The following UBE2E2 variants were observed in gnomAD, a reference collection of about 807,000 sequenced individuals.
UBE2E2 encodes the protein ubiquitin-conjugating enzyme E2 E2.
UBE2E2 carries 6 observed loss-of-function variants against 24.7 expected under a neutral mutation model. The observed-to-expected ratio is 0.24, with a 90% CI of 0.13 to 0.48. The LOEUF (loss-of-function observed/expected upper bound fraction) is 0.48, where lower values mean the gene tolerates loss of function less well. Among genes scored for constraint, UBE2E2 ranks in the 20% least tolerant of loss-of-function variants. The pLI is 0.99. For missense variants in UBE2E2, 169 were observed against 245.0 expected (o/e 0.69, Z 2.07); for synonymous variants, 104 against 83.6 (o/e 1.24, Z -1.33).
At chr3:23,536,278 A>G (rs1408024736) in intron 5 of UBE2E2, among the ~76,000 whole-genome samples, 4 of 152,218 alleles carry the variant, frequency 2.6e-5, no homozygotes, top group African/African-American at 9.6e-5. Context: ...TGCAAAATTA[A>G]TCATTGTGAG....
intron 3 of UBE2E2, among the ~76,000 whole-genome samples, chr3:23,246,051 C>T (rs1575500023): frequency 6.6e-6 from 1 of 152,136 alleles, no homozygotes; most frequent in Middle Eastern, 3.4e-3. Flanking sequence ...GGCATCCAGT[C>T]AATAAATATA....
intron 3 of UBE2E2, among the ~76,000 whole-genome samples, chr3:23,320,781 G>A (rs530913310): frequency 4.6e-5 from 7 of 152,190 alleles, no homozygotes; most frequent in Non-Finnish European, 7.4e-5. Flanking sequence ...AATCCACCCC[G>A]GCATCCCCCA....
intron 3 of UBE2E2, among the ~76,000 whole-genome samples, chr3:23,385,072 G>A (rs912305870): frequency 1.3e-5 from 2 of 151,802 alleles, no homozygotes; most frequent in South Asian, 4.2e-4. Context: ...CTGGGACCAC[G>A]GGCGCACACT....
intron 4 of UBE2E2, among the ~76,000 whole-genome samples, chr3:23,513,939 A>G (rs538965730): frequency 6.6e-6 from 1 of 152,330 alleles, no homozygotes; most frequent in Admixed American, 6.5e-5. Flanking sequence ...GAGGCTTAAC[A>G]GTCTCTAAGT....
At chr3:23,588,102 T>C (rs975828784) in intron 5 of UBE2E2, among the ~76,000 whole-genome samples, 5 of 152,286 alleles carry the variant, frequency 3.3e-5, no homozygotes, top group Middle Eastern at 3.4e-3. Flanking sequence ...CATGAGTGCC[T>C]TACAAGGTTA....
In UBE2E2 at chr3:23,546,004, AGAG is replaced by A. The variant is rs141371662; in HGVS notation, c.508+13308_508+13310del. Among the ~76,000 whole-genome samples, 902 of 152,284 alleles carry A rather than the reference AGAG, an allele frequency of 5.9e-3. 23 individuals carry two copies. Among genetic ancestry groups the A allele is most frequent in the Admixed American group, 0.043 (652 of 15,282 alleles). ...ATATGGATAATTGGAGACTCAGAAG[AGAG>A]GAGGTGGGGCAGTTGGTGAGGGATA... is the stretch of plus-strand genomic sequence containing the variant. On this transcript the variant is annotated intron_variant, in intron 5 of 5. Transcript: ENST00000396703.
chr3:23,219,296 T>G (rs939597422), intron 3 of UBE2E2, among the ~76,000 whole-genome samples: 12 of 152,170 alleles, frequency 7.9e-5, no homozygotes, highest in African/African-American at 2.9e-4. Flanking sequence ...AATGTAAAAC[T>G]GGTTAATCAA....
At chr3:23,482,660 A>G (rs569412961) in intron 3 of UBE2E2, among the ~76,000 whole-genome samples, 2 of 152,106 alleles carry the variant, frequency 1.3e-5, no homozygotes, top group East Asian at 3.9e-4. Context: ...AGCCTGGATT[A>G]TTATTATTTT....
At chr3:23,497,269 GTTAT>G (rs1181586643) in intron 3 of UBE2E2, among the ~76,000 whole-genome samples, 1 of 152,184 alleles carries the variant, frequency 6.6e-6, no homozygotes, top group Non-Finnish European at 1.5e-5. Context: ...ATCCCATGGT[GTTAT>G]TTAAGGTTTA....
intron 3 of UBE2E2, among the ~76,000 whole-genome samples, chr3:23,322,986 T>A (rs1332958552): frequency 6.6e-6 from 1 of 152,016 alleles, no homozygotes; most frequent in Non-Finnish European, 1.5e-5. Context: ...CAGTAAAACA[T>A]AAAATCACTT....
At chr3:23,389,664 G>T in intron 3 of UBE2E2, 1 of 265,492 alleles carries the variant, frequency 3.8e-6, no homozygotes. Flanking sequence ...TGGTTCACTA[G>T]TCGTGGCTGG....
intron 3 of UBE2E2, among the ~76,000 whole-genome samples, chr3:23,270,198 C>T (rs1698197627): frequency 7.5e-6 from 1 of 133,584 alleles, no homozygotes; most frequent in Non-Finnish European, 1.6e-5. Context: ...TGAATTTGCT[C>T]CTTTTGTGTA....
chr3:23,484,432 TACCAGGAAATGAAA>T (rs565713454), intron 3 of UBE2E2, among the ~76,000 whole-genome samples: 9 of 152,292 alleles, frequency 5.9e-5, no homozygotes, highest in Admixed American at 5.2e-4. Context: ...GAAGCTCACC[TACCAGGAAATGAAA>T]ACTTTTTTTT....
chr3:23,266,393 C>T (rs1013981114), intron 3 of UBE2E2, among the ~76,000 whole-genome samples: 36 of 152,236 alleles, frequency 2.4e-4, no homozygotes, highest in Middle Eastern at 3.4e-3. Context: ...TTTTATTTCT[C>T]CTTCACTTAT....
intron 3 of UBE2E2, among the ~76,000 whole-genome samples, chr3:23,456,290 ACTT>A (rs1698678110): frequency 6.6e-6 from 1 of 152,192 alleles, no homozygotes; most frequent in South Asian, 2.1e-4. Context: ...GTTGGAATCA[ACTT>A]CTATCAAGCT....
At chr3:23,350,897 T>C (rs1047668623) in intron 3 of UBE2E2, among the ~76,000 whole-genome samples, 6 of 152,130 alleles carry the variant, frequency 3.9e-5, no homozygotes, top group African/African-American at 1.4e-4. Context: ...GCCTCAAAGA[T>C]ACTCCTCGAG....
rs559540747 is a variant in UBE2E2 at position 23,583,403 on chromosome 3, G to A, written c.509-6331G>A. ...GTTCTTTTTGCTTAGCATTGCTTTG[G>A]CTATTCAGGCCCTTTTTTGGTTCCA... is the stretch of plus-strand genomic sequence containing the variant. On this transcript the variant is annotated intron_variant, in intron 5 of 5. Coordinates refer to ENST00000396703, the MANE Select transcript of UBE2E2 (RefSeq NM_152653.4). This position sits in a 1 kb window ranked among gnomAD's most constrained non-coding sequence, Gnocchi z 4.1. Among the ~76,000 whole-genome samples the A allele has an allele frequency of 2.6e-5, 4 of 152,096 alleles. No homozygotes were observed. Among genetic ancestry groups the A allele is most frequent in the African/African-American group, 9.7e-5 (4 of 41,414 alleles).
At chr3:23,393,256 A>G (rs148262767) in intron 3 of UBE2E2, among the ~76,000 whole-genome samples, 78 of 152,340 alleles carry the variant, frequency 5.1e-4, no homozygotes, top group African/African-American at 1.8e-3. Flanking sequence ...GATAAGAAGT[A>G]TGAGGGAGAG....
At chr3:23,450,857 CA>C (rs1304060081) in intron 3 of UBE2E2, among the ~76,000 whole-genome samples, 1 of 152,086 alleles carries the variant, frequency 6.6e-6, no homozygotes, top group Non-Finnish European at 1.5e-5. Flanking sequence ...ATAAATTTAG[CA>C]CTTACTAATT....
Sources: gnomAD v4.1 joint callset for allele counts (sites outside exome capture counted in the v4.1 genomes callset) on GRCh38, gnomAD v4.1.1 for gene constraint, Gnocchi (gnomAD v3.1) non-coding constraint, MANE v1.5 for transcripts, NCBI Gene and HGNC (gene_info 2026-07-23, HGNC 2026-07-21) for gene names.